The following ELP4 variants were observed in gnomAD, a reference collection of about 807,000 sequenced individuals.
The protein encoded by ELP4 is elongator acetyltransferase complex subunit 4.
In ELP4, 51 loss-of-function variants were observed where a neutral mutation model predicts 48.9. The ratio of observed to expected loss-of-function variants is 1.04; its 90% CI spans 0.83 to 1.32. The LOEUF (loss-of-function observed/expected upper bound fraction) is 1.32, where lower values mean the gene tolerates loss of function less well. Among genes scored for constraint, ELP4 ranks in the 40% most tolerant of loss-of-function variants. The pLI, the probability that ELP4 is intolerant of heterozygous loss-of-function variation, is 0.00. For synonymous variants in ELP4, 210 were observed against 189.2 expected (o/e 1.11, Z -0.90); for missense variants, 519 against 514.6 (o/e 1.01, Z -0.08).
intron 3 of ELP4, among the ~76,000 whole-genome samples, chr11:31,556,647 C>T (rs1005449780): frequency 1.3e-5 from 2 of 151,750 alleles, no homozygotes; most frequent in South Asian, 4.1e-4. Flanking sequence ...TGAATATTAG[C>T]TAGTGATGAC....
At chr11:31,560,734 A>ACGTTGTTTTATATATATATAAAACAG in intron 3 of ELP4, among the ~76,000 whole-genome samples, 1 of 150,644 alleles carries the variant, frequency 6.6e-6, no homozygotes, top group Admixed American at 6.6e-5. Flanking sequence ...ATATAAAACA[A>ACGTTGTTTTATATATATATAAAACAG]CATTGTTTTG....
At chr11:31,609,858 A>T (rs928516755) in intron 5 of ELP4, among the ~76,000 whole-genome samples, 1 of 152,118 alleles carries the variant, frequency 6.6e-6, no homozygotes, top group African/African-American at 2.4e-5. Flanking sequence ...CAACATAGTG[A>T]GACCCTGTCT....
chr11:31,730,164 C>T (rs1947155169), intron 9 of ELP4, among the ~76,000 whole-genome samples: 1 of 152,258 alleles, frequency 6.6e-6, no homozygotes, highest in Non-Finnish European at 1.5e-5. Context: ...CCGAGTCAAT[C>T]AGGAGGTGTT....
intron 3 of ELP4, among the ~76,000 whole-genome samples, chr11:31,542,502 T>C (rs1314238821): frequency 6.6e-6 from 1 of 152,170 alleles, no homozygotes; most frequent in African/African-American, 2.4e-5. Flanking sequence ...TAATTCCTGC[T>C]CCCACATGCC....
chr11:31,545,354 C>T lies in ELP4; in HGVS notation c.381+5571C>T, dbSNP rs563984087. 1.2e-4 allele frequency among the ~76,000 whole-genome samples: 18 copies of T among 152,068 alleles called. No individual in the cohort carries two copies. The South Asian group carries it at 1.7e-3, about 14-fold the overall frequency. The stretch of plus-strand genomic sequence containing the variant: ...TGAAGAATGCAGAAGCCTCAGTAGC[C>T]GATGCGATCAACTGGAAGAAAGGGT... On this transcript the variant is annotated intron_variant, in intron 3 of 9. Transcript: ENST00000640961.
intron 3 of ELP4, among the ~76,000 whole-genome samples, chr11:31,541,210 T>G (rs1956585308): frequency 6.6e-6 from 1 of 152,182 alleles, no homozygotes; most frequent in South Asian, 2.1e-4. Flanking sequence ...AATGCTGAGG[T>G]CAAAACTAAA....
At chr11:31,670,453 G>T (rs1205904385) in intron 9 of ELP4, among the ~76,000 whole-genome samples, 1 of 152,134 alleles carries the variant, frequency 6.6e-6, no homozygotes, top group Admixed American at 6.6e-5. Flanking sequence ...TTTGCGAAGT[G>T]TTGTGTCCCT....
chr11:31,608,761 A>G (rs1216807358), intron 5 of ELP4, among the ~76,000 whole-genome samples: 1 of 152,134 alleles, frequency 6.6e-6, no homozygotes, highest in Non-Finnish European at 1.5e-5. Context: ...ATAGTATTAG[A>G]CAGGGAACAA....
chr11:31,544,128 G>C (rs1565044280), intron 3 of ELP4, among the ~76,000 whole-genome samples: 1 of 152,224 alleles, frequency 6.6e-6, no homozygotes, highest in South Asian at 2.1e-4. Context: ...CATCTCACTA[G>C]GGAGTGCCAG....
At chr11:31,698,246 A>G (rs763653712) in intron 9 of ELP4, among the ~76,000 whole-genome samples, 10 of 152,184 alleles carry the variant, frequency 6.6e-5, no homozygotes, top group Non-Finnish European at 1.3e-4. Context: ...TGTTTTAAAT[A>G]AACACCTTAT....
chr11:31,607,299 C>T (rs529395739), intron 5 of ELP4, among the ~76,000 whole-genome samples: 3 of 152,252 alleles, frequency 2.0e-5, no homozygotes, highest in East Asian at 3.9e-4. Context: ...ACCTGAGACT[C>T]GGTAATTTAT....
At chr11:31,520,241 TA>T in intron 2 of ELP4, 150 bp downstream of exon 2, 2 of 619,428 alleles carry the variant, frequency 3.2e-6, no homozygotes, top group Non-Finnish European at 5.2e-6. Flanking sequence ...AGTTCTATTT[TA>T]AATTCTAATG....
chr11:31,762,129 AC>A (rs2134255577), intron 9 of ELP4: 1 of 152,340 alleles, frequency 6.6e-6, no homozygotes, highest in Admixed American at 6.5e-5. Context: ...TGAAACTATT[AC>A]AGCTCACGAG....
intron 5 of ELP4, among the ~76,000 whole-genome samples, chr11:31,619,590 G>A (rs1258365061): frequency 6.6e-6 from 1 of 151,530 alleles, no homozygotes; most frequent in African/African-American, 2.4e-5. Context: ...TTAAGACAGT[G>A]TTAATCTAAT....
At chr11:31,672,793 TAAAAA>T (rs1565105518) in intron 9 of ELP4, among the ~76,000 whole-genome samples, 1 of 151,436 alleles carries the variant, frequency 6.6e-6, no homozygotes, top group Admixed American at 6.6e-5. Context: ...TGTCTCAAAA[TAAAAA>T]ATAAAATAAT....
At chr11:31,661,987 C>T (rs1945567468) in intron 9 of ELP4, among the ~76,000 whole-genome samples, 1 of 151,958 alleles carries the variant, frequency 6.6e-6, no homozygotes, top group African/African-American at 2.4e-5. Context: ...AAGAATCATC[C>T]TATTGACCTC....
At chr11:31,755,516 AT>A (rs1483436742) in intron 9 of ELP4, among the ~76,000 whole-genome samples, 1 of 152,194 alleles carries the variant, frequency 6.6e-6, no homozygotes, top group South Asian at 2.1e-4. Flanking sequence ...AGCAGACATT[AT>A]TTTTTTAGCA....
At chr11:31,647,586 G>T (rs1255937750) in intron 7 of ELP4, 155 bp from the exon 8 acceptor site, 1 of 525,346 alleles carries the variant, frequency 1.9e-6, no homozygotes, top group East Asian at 3.1e-5. Flanking sequence ...TTTCCATCCA[G>T]TTTTCAGCCT....
At chr11:31,742,758 C>T (rs569469840) in intron 9 of ELP4, among the ~76,000 whole-genome samples, 26 of 152,258 alleles carry the variant, frequency 1.7e-4, no homozygotes, top group Admixed American at 9.8e-4. Context: ...AAGCACTAAA[C>T]ATGGAAAGGA....
Sources: allele counts gnomAD v4.1 joint callset (sites outside exome capture counted in the v4.1 genomes callset), GRCh38; gene constraint gnomAD v4.1.1; transcripts MANE v1.5; gene names NCBI Gene and HGNC (gene_info 2026-07-23, HGNC 2026-07-21).